Variants in FAM118A observed in about 807,000 individuals in gnomAD.
The protein encoded by FAM118A is SIR2 antiphage like 2, also known as protein FAM118A.
In FAM118A, 25 loss-of-function variants were observed where a neutral mutation model predicts 38.2. The observed-to-expected ratio is 0.65, with a 90% CI of 0.48 to 0.91. The LOEUF is 0.91. Among genes scored for constraint, FAM118A ranks in the 40% least tolerant of loss-of-function variants. FAM118A has a pLI of 0.00. For missense variants in FAM118A, 425 were observed against 463.3 expected (o/e 0.92, Z 0.76); for synonymous variants, 178 against 184.1 (o/e 0.97, Z 0.27).
intron 6 of FAM118A, among the ~76,000 whole-genome samples, chr22:45,334,765 C>T (rs2085967700): frequency 6.6e-6 from 1 of 152,224 alleles, no homozygotes; most frequent in African/African-American, 2.4e-5. Flanking sequence ...TTGGTGCATC[C>T]TGGCACCGGC....
intron 8 of FAM118A, among the ~76,000 whole-genome samples, chr22:45,339,004 G>C (rs149129095): frequency 1.3e-5 from 2 of 152,236 alleles, no homozygotes; most frequent in Non-Finnish European, 2.9e-5. Flanking sequence ...GCGCCCTAGC[G>C]TCCTGCCGTC....
At chr22:45,320,082 C>A (rs1043648388) in intron 1 of FAM118A, among the ~76,000 whole-genome samples, 1 of 152,174 alleles carries the variant, frequency 6.6e-6, no homozygotes, top group Admixed American at 6.5e-5. Flanking sequence ...ACTGATTAAG[C>A]CTTGTTTCCT....
chr22:45,333,351 C>T (rs759871981), intron 6 of FAM118A, among the ~76,000 whole-genome samples: 1 of 150,462 alleles, frequency 6.6e-6, no homozygotes, highest in Non-Finnish European at 1.5e-5. Context: ...CATAGGGAGA[C>T]CTGGTCTCTA....
intron 1 of FAM118A, among the ~76,000 whole-genome samples, chr22:45,313,198 G>T (rs576926376): frequency 1.3e-5 from 2 of 152,220 alleles, no homozygotes; most frequent in African/African-American, 4.8e-5. Flanking sequence ...ATGCAAAGCT[G>T]TTGGAGGGGA....
chr22:45,320,593 A>G lies in FAM118A; in HGVS notation c.-9-1778A>G, dbSNP rs147835525. Reference sequence around the variant, plus strand: ...TGGGACTACAGATGAGCACCACCACATTGGCTAATTTTTGTATTTTTTGTA... The same window carrying G: ...TGGGACTACAGATGAGCACCACCACGTTGGCTAATTTTTGTATTTTTTGTA... On this transcript the variant is annotated intron_variant, in intron 1 of 8. Transcript: ENST00000441876. Among the ~76,000 whole-genome samples, 975 of 152,134 alleles carry G rather than the reference A, an allele frequency of 6.4e-3. 6 individuals carry two copies. The highest frequency in any genetic ancestry group is 0.023 in the African/African-American group (937 of 41,512).
intron 1 of FAM118A, among the ~76,000 whole-genome samples, chr22:45,315,274 C>G (rs2084554791): frequency 6.6e-6 from 1 of 152,026 alleles, no homozygotes; most frequent in East Asian, 1.9e-4. Context: ...AGGCATTTTT[C>G]CCATTATAAT....
rs1246318114 is a variant in FAM118A at position 45,330,602 on chromosome 22, G to C, written c.523-1G>C. On this transcript the variant is annotated splice_acceptor_variant, in intron 4 of 8. Transcript: ENST00000441876. LOFTEE classifies it high-confidence loss of function. The stretch of plus-strand genomic sequence containing the variant: ...CTTTTTCTTGGCTTGATGTTTGGTA[G>C]GTCCTTGAATGGGCAAGAGGGCACA... 12 of 1,535,948 alleles carry C rather than the reference G, an allele frequency of 7.8e-6. No homozygotes were observed. The East Asian group carries it at 2.8e-4, about 36-fold the overall frequency.
chr22:45,313,505 T>C (rs1398565832), intron 1 of FAM118A, among the ~76,000 whole-genome samples: 2 of 152,010 alleles, frequency 1.3e-5, no homozygotes, highest in Non-Finnish European at 2.9e-5. Context: ...GTATTTTTAG[T>C]AGAGACGGGG....
chr22:45,328,687 G>A, intron 4 of FAM118A: 1 of 565,128 alleles, frequency 1.8e-6, no homozygotes, highest in Admixed American at 3.1e-5. Context: ...GGAGGCTGAG[G>A]CAGGAGAATA....
At chr22:45,318,521 T>C (rs558619099) in intron 1 of FAM118A, 1 of 152,306 alleles carries the variant, frequency 6.6e-6, no homozygotes, top group South Asian at 2.1e-4. Context: ...TGGTGCCGAG[T>C]GCTTTTGAGA....
chr22:45,336,104 C>T (rs2086074633), intron 7 of FAM118A, among the ~76,000 whole-genome samples: 1 of 152,198 alleles, frequency 6.6e-6, no homozygotes, highest in Non-Finnish European at 1.5e-5. Flanking sequence ...CCGTTGCCAC[C>T]TATTCCCATG....
chr22:45,328,464 G>A (rs557796677), intron 4 of FAM118A: 16 of 883,336 alleles, frequency 1.8e-5, no homozygotes, highest in African/African-American at 1.7e-4. Context: ...TCACTTTGTA[G>A]CAGTGAATTA....
At chr22:45,333,558 C>T (rs2085872562) in intron 6 of FAM118A, among the ~76,000 whole-genome samples, 1 of 151,592 alleles carries the variant, frequency 6.6e-6, no homozygotes, top group Admixed American at 6.6e-5. Context: ...CCTGTAGTCC[C>T]AGCTACTCAG....
In FAM118A at chr22:45,341,165, A is replaced by G; in HGVS notation, c.*760A>G. 6.6e-6 allele frequency: 1 copy of G among 152,232 alleles called. No individual in the cohort carries two copies. Among genetic ancestry groups the G allele is most frequent in the Admixed American group, 6.5e-5 (1 of 15,284 alleles). The allele number at this position is 152,232 out of a possible 1,614,324, so 9.4% of individuals were successfully genotyped here. A position where few individuals can be genotyped will look rare whatever the true frequency, so the allele number is the denominator to read the frequency against. On this transcript the variant is annotated 3_prime_UTR_variant, in exon 9 of 9. Coordinates refer to ENST00000441876, the MANE Select transcript of FAM118A (RefSeq NM_017911.4). ...TTACTATAGAAAGCATTTTAAAGGT[A>G]CGTTTTAAAGGTCCACTGTTAAATA...
chr22:45,332,547 G>A lies in FAM118A; in HGVS notation c.774G>A (p.Glu258=), dbSNP rs2085796559. ...LYSVPNKVDL[E]HYMLVLKENE... ...CCGTGCCGAATAAGGTGGATTTGGA[G>A]CACTACATGCTTGTGCTGAAGGAGA... The change falls in exon 6 of 9, where the codon GAG becomes GAA. Residue 258 remains glutamate (E), a synonymous_variant. Transcript: ENST00000441876. The A allele has an allele frequency of 6.2e-7, 1 of 1,614,064 alleles. No individual in the cohort carries two copies.
At chr22:45,317,000 T>C (rs942851696) in intron 1 of FAM118A, among the ~76,000 whole-genome samples, 2 of 152,236 alleles carry the variant, frequency 1.3e-5, no homozygotes, top group African/African-American at 4.8e-5. Context: ...TCTTGCTTCA[T>C]TGTAATCAGA....
chr22:45,322,024 C>A (rs768398587), intron 1 of FAM118A: 1 of 381,990 alleles, frequency 2.6e-6, no homozygotes, highest in Non-Finnish European at 5.0e-6. Context: ...TGTTCATGTG[C>A]ACTGGAAATT....
rs528670682 is a variant in FAM118A at position 45,336,508 on chromosome 22, A to G, written c.1054+97A>G. On this transcript the variant is annotated intron_variant, in intron 8 of 8. Transcript: ENST00000441876. ...GCTGCGCTTTAATGCCCCGCGCCCT[A>G]TGGTGGGAGGACGGTGCATACGTTC... 400 of 890,480 alleles carry G rather than the reference A, an allele frequency of 4.5e-4. 1 individual carries two copies. Among genetic ancestry groups the G allele is most frequent in the South Asian group, 3.1e-3 (205 of 66,526 alleles). The allele number at this position is 890,480 out of a possible 1,614,324, so 55.2% of individuals were successfully genotyped here.
chr22:45,320,516 A>G (rs8138866), intron 1 of FAM118A, among the ~76,000 whole-genome samples: 68,764 of 150,906 alleles, frequency 0.46, 19,496 homozygotes, highest in African/African-American at 0.8. Context: ...GGTTCACTGC[A>G]GCCTCAACCT....
Sources: allele counts gnomAD v4.1 joint callset (sites outside exome capture counted in the v4.1 genomes callset), GRCh38; gene constraint gnomAD v4.1.1; transcripts MANE v1.5; gene names NCBI Gene and HGNC (gene_info 2026-07-23, HGNC 2026-07-21).